PDHB: variants seen among roughly 807,000 people sequenced by gnomAD.
PDHB encodes the protein pyruvate dehydrogenase E1 subunit beta.
Under a neutral mutation model 42.8 loss-of-function variants are expected in PDHB, and 17 were observed. That is an observed-to-expected ratio of 0.40 (90% CI 0.27 to 0.60). PDHB has a LOEUF of 0.60. Among genes scored for constraint, PDHB ranks in the 20% least tolerant of loss-of-function variants. PDHB has a pLI of 0.46. For missense variants in PDHB, 322 were observed against 451.3 expected (o/e 0.71, Z 2.60); for synonymous variants, 154 against 148.7 (o/e 1.04, Z -0.26).
At position 58,431,718 on chromosome 3, in the gene PDHB, C is replaced by T; in HGVS notation, c.267+13G>A. The T allele has an allele frequency of 1.2e-6, 2 of 1,611,692 alleles. No individual in the cohort carries two copies. The highest frequency in any genetic ancestry group is 1.7e-5 in the Admixed American group (1 of 60,016). On this transcript the variant is annotated intron_variant, in intron 4 of 9. Transcript: ENST00000302746. The surrounding 1 kb of genome is among the most constrained non-coding windows in gnomAD (Gnocchi z 4.4). ...CATGCCCTCCAGGGTCTGCTTCCCA[C>T]TGGAAGGCTTACCTCTGATATGGGA...
Position 58,427,644 on chromosome 3 carries a change from C to A in PDHB, c.*390G>T. ...AAAAAAATTAGTCATGTTAGAAATT[C>A]CTTTATTCCTTATCAAAACAAACTA... is the stretch of plus-strand genomic sequence containing the variant. On this transcript the variant is annotated 3_prime_UTR_variant, in exon 10 of 10. Transcript: ENST00000302746. 1 of 354,862 alleles carries A rather than the reference C, an allele frequency of 2.8e-6. No homozygotes were observed. The highest frequency in any genetic ancestry group is 2.2e-5 in the South Asian group (1 of 45,512). 22.0% of individuals were successfully genotyped at this position (354,862 alleles called of 1,614,324 possible).
At chr3:58,428,776 A>T (rs2062895256) in intron 8 of PDHB, 162 bp from the exon 9 acceptor site, 5 of 644,378 alleles carry the variant, frequency 7.8e-6, no homozygotes, top group Non-Finnish European at 1.1e-5. Context: ...TGTAAAAGGA[A>T]AAATTTTAAT....
At chr3:58,430,439 T>A (rs1460543346) in intron 6 of PDHB, among the ~76,000 whole-genome samples, 3 of 152,206 alleles carry the variant, frequency 2.0e-5, no homozygotes, top group African/African-American at 7.2e-5. Context: ...AAACCAGTAT[T>A]GTGGGTGTGC....
At chr3:58,432,260 TA>T (rs1489047580) in intron 2 of PDHB, 2 of 448,770 alleles carry the variant, frequency 4.5e-6, no homozygotes, top group Non-Finnish European at 8.2e-6. Context: ...TAATGAATGG[TA>T]AAATCTAGTT....
chr3:58,428,422 T>G lies in PDHB; in HGVS notation c.934+51A>C, dbSNP rs375739181. 40 of 1,567,516 alleles carry G rather than the reference T, an allele frequency of 2.6e-5. No homozygotes were observed. In the Admixed American group the frequency reaches 6.7e-4, roughly 26 times the overall value. ...TTTATCCTGTACGTATTCAGGTACA[T>G]GATGTTTACTATAGCTTGACTGTAT... is the stretch of plus-strand genomic sequence containing the variant. On this transcript the variant is annotated intron_variant, in intron 9 of 9. Transcript: ENST00000302746.
At position 58,430,603 on chromosome 3, in the gene PDHB, A is replaced by G. The variant is rs1300039826; in HGVS notation, c.589+54T>C. The G allele has an allele frequency of 9.2e-6, 13 of 1,418,022 alleles. No homozygotes were observed. The East Asian group carries it at 1.8e-4, about 20-fold the overall frequency. 87.8% of individuals were successfully genotyped at this position (1,418,022 alleles called of 1,614,324 possible). ...CTTTAATGGTTTCCTCTGTGCAAAT[A>G]TATCATTTTAGTTTTTCAATCTTCA... is the stretch of plus-strand genomic sequence containing the variant. On this transcript the variant is annotated intron_variant, in intron 6 of 9. Transcript: ENST00000302746.
rs1332656059 is a variant in PDHB, at chr3:58,429,721, CCTT to C, written c.776_778del (p.Glu259del). On this transcript the variant is annotated inframe_deletion, in exon 8 of 10. Transcript: ENST00000302746. The stretch of plus-strand genomic sequence containing the variant: ...ATGTCCACTCACCTCACATTCAACT[CCTT>C]CTTTAGATAGCACTGCTGCAGCTTC... 2 of 1,605,644 alleles carry C rather than the reference CCTT, an allele frequency of 1.2e-6. No homozygotes were observed. Among genetic ancestry groups the C allele is most frequent in the African/African-American group, 1.3e-5 (1 of 74,870 alleles).
Position 58,431,872 on chromosome 3 carries a change from GT to G in PDHB, c.204+4del. ...TTTTGTATAACTTTCATATATTTTA[GT>G]TACCTTGTATGCCCCATCATACTGG... On this transcript the variant is annotated splice_donor_region_variant and intron_variant, in intron 3 of 9. Coordinates refer to ENST00000302746, the MANE Select transcript of PDHB (RefSeq NM_000925.4). The surrounding 1 kb of genome is among the most constrained non-coding windows in gnomAD (Gnocchi z 4.4). 2.5e-6 allele frequency: 4 copies of G among 1,610,230 alleles called. No homozygotes were observed. Among genetic ancestry groups the G allele is most frequent in the Non-Finnish European group, 2.5e-6 (3 of 1,176,484 alleles).
chr3:58,428,888 CTT>C, intron 8 of PDHB: 1 of 433,614 alleles, frequency 2.3e-6, no homozygotes, highest in East Asian at 4.7e-5. Context: ...GAGTTTTGCT[CTT>C]GTTGTCCAGG....
intron 6 of PDHB, 25 bp from the exon 7 acceptor site, chr3:58,430,263 A>G (rs778464488): frequency 7.1e-6 from 10 of 1,415,816 alleles, no homozygotes; most frequent in Non-Finnish European, 1.0e-5. Context: ...TATTTAAACA[A>G]AAGTAATTAA....
At chr3:58,432,067 G>C (rs1206788174) in intron 2 of PDHB, 83 bp from the exon 3 acceptor site, 2 of 884,158 alleles carry the variant, frequency 2.3e-6, no homozygotes, top group Non-Finnish European at 3.8e-6. Flanking sequence ...TACCTAGGCT[G>C]CCCACAGCAT....
Position 58,428,511 on chromosome 3 carries a change from A to T in PDHB, c.896T>A (p.Phe299Tyr), listed in dbSNP as rs752521945. 13 of 1,614,028 alleles carry T rather than the reference A, an allele frequency of 8.1e-6. No individual in the cohort carries two copies. The highest frequency in any genetic ancestry group is 1.7e-6 in the Non-Finnish European group (2 of 1,180,022). The stretch of plus-strand genomic sequence containing the variant: ...GGCACAGATTTCAGCTCCTACTCCA[A>T]ACTGTGGCCAGCCTCCTTCCACAGT... Reference protein sequence around the residue: ...LVTVEGGWPQFGVGAEICARI... With the variant: ...LVTVEGGWPQYGVGAEICARI... Residue 299 changes from phenylalanine to tyrosine, a missense_variant, in exon 9 of 10, where the codon TTT becomes TAT. This residue lies in a region of PDHB where 208 missense variants were observed against 285.0 expected (regional missense o/e 0.73). Coordinates refer to ENST00000302746, the MANE Select transcript of PDHB (RefSeq NM_000925.4).
chr3:58,431,524 C>CT lies in PDHB; in HGVS notation c.303+68dup. ...CCAGGCTGGACAACAGAGTGAGACTCTGTCTCAAAAGAAAAAAAAAGAAAA... is the reference window on the plus strand; with the variant it reads ...CCAGGCTGGACAACAGAGTGAGACTCTTGTCTCAAAAGAAAAAAAAAGAAAA... On this transcript the variant is annotated intron_variant, in intron 5 of 9. Coordinates refer to ENST00000302746, the MANE Select transcript of PDHB (RefSeq NM_000925.4). The surrounding 1 kb of genome is among the most constrained non-coding windows in gnomAD (Gnocchi z 4.4). 8.0e-7 allele frequency: 1 copy of CT among 1,246,112 alleles called. No individual in the cohort carries two copies. Among genetic ancestry groups the CT allele is most frequent in the Non-Finnish European group, 1.2e-6 (1 of 848,016 alleles). 77.2% of individuals were successfully genotyped at this position (1,246,112 alleles called of 1,614,324 possible). A position where few individuals can be genotyped will look rare whatever the true frequency, so the allele number is the denominator to read the frequency against.
intron 9 of PDHB, 104 bp downstream of exon 9, chr3:58,428,369 C>T (rs561873251): frequency 2.2e-5 from 30 of 1,359,712 alleles, no homozygotes; most frequent in South Asian, 7.0e-5. Context: ...AAGTTGAAGT[C>T]GTTTGGCCAC....
In PDHB at chr3:58,431,895, C is replaced by T; in HGVS notation, c.186G>A (p.Gln62=). 1 of 1,613,032 alleles carries T rather than the reference C, an allele frequency of 6.2e-7. No individual in the cohort carries two copies. Among genetic ancestry groups the T allele is most frequent in the Non-Finnish European group, 8.5e-7 (1 of 1,178,980 alleles). The part of the protein sequence containing the change: ...KVFLLGEEVA[Q]YDGAYKVSRG... ...TAGTTACCTTGTATGCCCCATCATACTGGGCAACTTCTTCTCCAAGCAGAA... is the reference window on the plus strand; with the variant it reads ...TAGTTACCTTGTATGCCCCATCATATTGGGCAACTTCTTCTCCAAGCAGAA... The change falls in exon 3 of 10, where the codon CAG becomes CAA. Residue 62 remains glutamine, a synonymous_variant. Transcript: ENST00000302746. The surrounding 1 kb of genome is among the most constrained non-coding windows in gnomAD (Gnocchi z 4.4).
intron 8 of PDHB, 58 bp downstream of exon 8, chr3:58,429,650 G>A (rs1156447678): frequency 3.6e-5 from 37 of 1,021,484 alleles, no homozygotes; most frequent in Non-Finnish European, 5.3e-5. Context: ...ACTCTTCTGG[G>A]TCTTAAATCT....
intron 2 of PDHB, 189 bp from the exon 3 acceptor site, chr3:58,432,173 A>C: frequency 1.6e-6 from 1 of 623,360 alleles, no homozygotes; most frequent in South Asian, 1.9e-5. Flanking sequence ...TGCATGTGTT[A>C]ATGTACTGAG....
intron 6 of PDHB, 105 bp downstream of exon 6, chr3:58,430,552 C>G: frequency 2.2e-6 from 2 of 911,848 alleles, no homozygotes; most frequent in Non-Finnish European, 1.8e-6. Context: ...ACATTCTATA[C>G]GATATATCTA....
At position 58,429,698 on chromosome 3, in the gene PDHB, G is replaced by A. The variant is rs774966195; in HGVS notation, c.792+10C>T. 11 of 1,534,226 alleles carry A rather than the reference G, an allele frequency of 7.2e-6. No homozygotes were observed. The highest frequency in any genetic ancestry group is 9.0e-6 in the Non-Finnish European group (10 of 1,107,346). On this transcript the variant is annotated intron_variant, in intron 8 of 9. Coordinates refer to ENST00000302746, the MANE Select transcript of PDHB (RefSeq NM_000925.4). ...TCTAATTCTTTAAGAACAAGTAAAT[G>A]TCCACTCACCTCACATTCAACTCCT...
Sources: allele counts gnomAD v4.1 joint callset (sites outside exome capture counted in the v4.1 genomes callset), GRCh38; gene constraint gnomAD v4.1.1; regional missense constraint gnomAD v4.1.1; non-coding constraint Gnocchi (gnomAD v3.1); transcripts MANE v1.5; gene names NCBI Gene and HGNC (gene_info 2026-07-23, HGNC 2026-07-21).